The following ACKR2 variants were observed in gnomAD, a reference collection of about 807,000 sequenced individuals.
ACKR2 encodes the protein C-C chemokine receptor D6.
For missense variants in ACKR2, 457 were observed against 477.3 expected (o/e 0.96, Z 0.40); for synonymous variants, 207 against 192.2 (o/e 1.08, Z -0.64).
intron 2 of ACKR2, among the ~76,000 whole-genome samples, chr3:42,822,741 C>T (rs1203450510): frequency 6.9e-6 from 1 of 145,340 alleles, no homozygotes; most frequent in Non-Finnish European, 1.5e-5. Context: ...AATCCCAGCC[C>T]AGCTACTTGG....
rs1168710490 is a variant in ACKR2 at position 42,852,198 on chromosome 3, G to A, written c.-37-12268G>A. Among the ~76,000 whole-genome samples, 2 of 152,178 alleles carry A rather than the reference G, an allele frequency of 1.3e-5. No homozygotes were observed. Among genetic ancestry groups the A allele is most frequent in the African/African-American group, 4.8e-5 (2 of 41,438 alleles). ...AGCTATATTCTGTCTGTTCTACCCT[G>A]CCTATTCTGTCTATTCTACCATGCT... On this transcript the variant is annotated intron_variant, in intron 2 of 2. Transcript: ENST00000422265. This position sits in a 1 kb window ranked among gnomAD's most constrained non-coding sequence, Gnocchi z 4.3.
chr3:42,813,593 G>T (rs1700716404), intron 1 of ACKR2, among the ~76,000 whole-genome samples: 1 of 152,190 alleles, frequency 6.6e-6, no homozygotes, highest in Non-Finnish European at 1.5e-5. Context: ...ACAGCAAGGA[G>T]AAAGTCCACC....
Position 42,866,124 on chromosome 3 carries a change from C to G in ACKR2, c.*467C>G, listed in dbSNP as rs117594540. 1,914 of 154,084 alleles carry G rather than the reference C, an allele frequency of 0.012. 34 individuals carry two copies. Among genetic ancestry groups the G allele is most frequent in the East Asian group, 0.049 (254 of 5,194 alleles). The allele number at this position is 154,084 out of a possible 1,614,324, so 9.5% of individuals were successfully genotyped here. ...CCCAAGTAGCCAGGACTATAGGCAC[C>G]TGCCACCATGCCTGGCTAATTTTTG... On this transcript the variant is annotated 3_prime_UTR_variant, in exon 3 of 3. Transcript: ENST00000422265.
intron 2 of ACKR2, among the ~76,000 whole-genome samples, chr3:42,832,153 C>T (rs929768391): frequency 3.3e-5 from 5 of 152,144 alleles, no homozygotes; most frequent in African/African-American, 4.8e-5. Flanking sequence ...TACCAGAAAG[C>T]CTCCATCTCT....
At chr3:42,825,995 A>G (rs1575377997) in intron 2 of ACKR2, among the ~76,000 whole-genome samples, 1 of 150,052 alleles carries the variant, frequency 6.7e-6, no homozygotes, top group Non-Finnish European at 1.5e-5. Context: ...TAAGGTGATC[A>G]TGTGGTTTTT....
At chr3:42,824,991 A>G (rs1245733692) in intron 2 of ACKR2, among the ~76,000 whole-genome samples, 1 of 152,102 alleles carries the variant, frequency 6.6e-6, no homozygotes, top group Non-Finnish European at 1.5e-5. Context: ...AGCCATCCCA[A>G]TGGATGTGAA....
intron 1 of ACKR2, among the ~76,000 whole-genome samples, chr3:42,811,052 G>A (rs1284393860): frequency 1.3e-5 from 2 of 152,204 alleles, no homozygotes; most frequent in Non-Finnish European, 2.9e-5. Context: ...GTTTCACCAT[G>A]TTGGCCAGGC....
Position 42,864,797 on chromosome 3 carries a change from C to G in ACKR2, c.295C>G (p.Leu99Val). ...CTCCAACCTTCTGTTTCTGGTGACA[C>G]TGCCCTTCTGGGGCATCTCCGTGGC... ...AISNLLFLVT[L>V]PFWGISVAWH... Residue 99 changes from leucine to valine, a missense_variant, in exon 3 of 3, where the codon CTG becomes GTG. Leu to Val is a conservative substitution (Grantham distance 32). Coordinates refer to ENST00000422265, the MANE Select transcript of ACKR2 (RefSeq NM_001296.5). 1 of 1,614,268 alleles carries G rather than the reference C, an allele frequency of 6.2e-7. No individual in the cohort carries two copies. The highest frequency in any genetic ancestry group is 8.5e-7 in the Non-Finnish European group (1 of 1,180,052).
chr3:42,837,205 G>A (rs1183107469), intron 2 of ACKR2, among the ~76,000 whole-genome samples: 2 of 152,050 alleles, frequency 1.3e-5, no homozygotes, highest in Admixed American at 1.3e-4. Context: ...GGAGTCCAGG[G>A]GCTGGGGAGC....
chr3:42,860,176 A>AAAAAAAAAAAAAAG (rs2088368522), intron 2 of ACKR2, among the ~76,000 whole-genome samples: 1 of 141,176 alleles, frequency 7.1e-6, no homozygotes, highest in Non-Finnish European at 1.5e-5. Flanking sequence ...AAAAAAAAAA[A>AAAAAAAAAAAAAAG]AAAAAAAAAA....
intron 2 of ACKR2, among the ~76,000 whole-genome samples, chr3:42,833,718 T>C (rs1700956021): frequency 6.6e-6 from 1 of 150,558 alleles, no homozygotes; most frequent in South Asian, 2.1e-4. Flanking sequence ...AAAAAAAAAC[T>C]GCATTACAAA....
chr3:42,810,204 A>T (rs1356685572), intron 1 of ACKR2, among the ~76,000 whole-genome samples: 2 of 152,206 alleles, frequency 1.3e-5, no homozygotes, highest in Non-Finnish European at 1.5e-5. Context: ...GTCTGTTGGT[A>T]ATGCGATTAA....
chr3:42,865,259 G>T lies in ACKR2; in HGVS notation c.757G>T (p.Ala253Ser), dbSNP rs1451801458. The T allele has an allele frequency of 1.2e-6, 2 of 1,614,068 alleles. No individual in the cohort carries two copies. The highest frequency in any genetic ancestry group is 3.3e-5 in the Admixed American group (2 of 60,000). The part of the protein sequence containing the change: ...AGQGRALKIA[A>S]ALVVAFFVLW... ...CCAGGGCCGGGCTTTAAAAATAGCT[G>T]CAGCCTTGGTGGTGGCCTTCTTCGT... Residue 253 changes from alanine to serine, a missense_variant, in exon 3 of 3, where the codon GCA becomes TCA. By Grantham distance (99) the Ala-to-Ser change is moderately conservative. Transcript: ENST00000422265.
rs549438100 is a variant in ACKR2, at chr3:42,814,731, G to A, written c.-118-4900G>A. ...ACTAGATTCTGAACTTAAAGACTCA[G>A]TCCCTGCCATGAAATAATTTATAAT... On this transcript the variant is annotated intron_variant, in intron 1 of 2. Transcript: ENST00000422265. 1.5e-4 allele frequency among the ~76,000 whole-genome samples: 23 copies of A among 152,304 alleles called. No homozygotes were observed. The South Asian group carries it at 4.8e-3, about 32-fold the overall frequency.
At chr3:42,826,111 C>A (rs1294309992) in intron 2 of ACKR2, among the ~76,000 whole-genome samples, 1 of 151,772 alleles carries the variant, frequency 6.6e-6, no homozygotes, top group Admixed American at 6.6e-5. Context: ...TGGTGTATAA[C>A]CCGTTATATC....
chr3:42,864,420 G>C (rs2125626346), intron 2 of ACKR2, 46 bp from the exon 3 acceptor site: 1 of 1,504,402 alleles, frequency 6.6e-7, no homozygotes, highest in Admixed American at 2.2e-5. Context: ...AGTGGGTTTA[G>C]AGAAAGGTAG....
At position 42,852,559 on chromosome 3, in the gene ACKR2, G is replaced by C. The variant is rs1231824509; in HGVS notation, c.-37-11907G>C. On this transcript the variant is annotated intron_variant, in intron 2 of 2. Coordinates refer to ENST00000422265, the MANE Select transcript of ACKR2 (RefSeq NM_001296.5). The surrounding 1 kb of genome is among the most constrained non-coding windows in gnomAD (Gnocchi z 4.3). ...CCCAGGGAGCGTGGGGAGCAGGCAGGCCTCACATATCTCAGGAGAAGCAGA... is the reference window on the plus strand; with the variant it reads ...CCCAGGGAGCGTGGGGAGCAGGCAGCCCTCACATATCTCAGGAGAAGCAGA... 1 of 152,206 alleles carries C rather than the reference G, an allele frequency of 6.6e-6. No individual in the cohort carries two copies. 9.4% of individuals were successfully genotyped at this position (152,206 alleles called of 1,614,324 possible). A position where few individuals can be genotyped will look rare whatever the true frequency, so the allele number is the denominator to read the frequency against.
At chr3:42,846,967 C>T (rs1474505809) in intron 2 of ACKR2, among the ~76,000 whole-genome samples, 1 of 152,106 alleles carries the variant, frequency 6.6e-6, no homozygotes, top group African/African-American at 2.4e-5. Context: ...AGCAAAAGAG[C>T]ACCGGAGTAG....
At chr3:42,864,428 T>C (rs989653870) in intron 2 of ACKR2, 38 bp from the exon 3 acceptor site, 3 of 1,513,638 alleles carry the variant, frequency 2.0e-6, no homozygotes, top group Non-Finnish European at 1.8e-6. Context: ...TAGAGAAAGG[T>C]AGAGAATGCT....
Sources: gnomAD v4.1 joint callset for allele counts (sites outside exome capture counted in the v4.1 genomes callset) on GRCh38, gnomAD v4.1.1 for gene constraint, Gnocchi (gnomAD v3.1) non-coding constraint, MANE v1.5 for transcripts, NCBI Gene and HGNC (gene_info 2026-07-23, HGNC 2026-07-21) for gene names.